KMO: variants seen among roughly 807,000 people sequenced by gnomAD.
The protein encoded by KMO is kynurenine 3-monooxygenase.
Under a neutral mutation model 57.8 loss-of-function variants are expected in KMO, and 24 were observed. The ratio of observed to expected loss-of-function variants is 0.42; its 90% CI spans 0.30 to 0.58. The LOEUF is 0.58. KMO is among the 20% of genes least tolerant of loss of function. KMO has a pLI of 0.22. For synonymous variants in KMO, 210 were observed against 193.6 expected (o/e 1.08, Z -0.70); for missense variants, 483 against 588.2 (o/e 0.82, Z 1.85).
At chr1:241,562,100 C>T (rs1661864766) in intron 6 of KMO, 67 bp from the exon 7 acceptor site, 3 of 1,381,236 alleles carry the variant, frequency 2.2e-6, no homozygotes, top group Non-Finnish European at 3.0e-6. Context: ...TTCTCATACC[C>T]AGAGGTACAT....
chr1:241,534,270 C>CA (rs1660678641), intron 1 of KMO, among the ~76,000 whole-genome samples: 1 of 152,136 alleles, frequency 6.6e-6, no homozygotes, highest in African/African-American at 2.4e-5. Flanking sequence ...AAGGTGGCAG[C>CA]AGTGATGTCT....
chr1:241,540,161 G>A (rs1660909810), intron 1 of KMO, among the ~76,000 whole-genome samples: 2 of 152,012 alleles, frequency 1.3e-5, no homozygotes, highest in Non-Finnish European at 2.9e-5. Flanking sequence ...GCCATTGGTG[G>A]TAAAATTGTG....
At chr1:241,573,352 G>A (rs1412594809) in intron 10 of KMO, among the ~76,000 whole-genome samples, 1 of 152,126 alleles carries the variant, frequency 6.6e-6, no homozygotes, top group Non-Finnish European at 1.5e-5. Context: ...CTTTGCCTAG[G>A]CCAATGTCCA....
intron 10 of KMO, among the ~76,000 whole-genome samples, chr1:241,573,578 T>A (rs1662389969): frequency 6.6e-6 from 1 of 152,128 alleles, no homozygotes; most frequent in Non-Finnish European, 1.5e-5. Flanking sequence ...GAAGATCAGT[T>A]GGTTGTACGT....
chr1:241,542,708 T>C (rs574590597), intron 1 of KMO, among the ~76,000 whole-genome samples: 66 of 152,342 alleles, frequency 4.3e-4, no homozygotes, highest in Non-Finnish European at 1.9e-4. Context: ...TCCTGTGCTG[T>C]CCTCCTTCAC....
chr1:241,575,642 A>ATGAT (rs1662485963), intron 10 of KMO, among the ~76,000 whole-genome samples: 1 of 152,082 alleles, frequency 6.6e-6, no homozygotes, highest in Non-Finnish European at 1.5e-5. Flanking sequence ...ATAACTGGAT[A>ATGAT]TGATTTTGAT....
chr1:241,547,841 A>G (rs974992312), intron 1 of KMO, among the ~76,000 whole-genome samples: 1 of 152,220 alleles, frequency 6.6e-6, no homozygotes. Context: ...AACCCTTGAA[A>G]AAAAGTTATC....
chr1:241,572,125 A>G (rs1209899841), intron 10 of KMO, among the ~76,000 whole-genome samples: 1 of 152,036 alleles, frequency 6.6e-6, no homozygotes, highest in Non-Finnish European at 1.5e-5. Context: ...TCAGCCTTCC[A>G]AAGTGCTGAG....
At chr1:241,575,002 G>T (rs1662451547) in intron 10 of KMO, among the ~76,000 whole-genome samples, 1 of 151,858 alleles carries the variant, frequency 6.6e-6, no homozygotes, top group African/African-American at 2.4e-5. Context: ...TAGAAGTTTT[G>T]TACATGTCTA....
At chr1:241,542,228 C>T (rs1323285604) in intron 1 of KMO, among the ~76,000 whole-genome samples, 3 of 152,086 alleles carry the variant, frequency 2.0e-5, no homozygotes, top group Non-Finnish European at 4.4e-5. Context: ...AGAGGGGTCA[C>T]ATGGGAACTG....
rs776169153 is a variant in KMO, at chr1:241,594,447, A to G, written c.*2294A>G. ...TCATTCCTACAAAGGACGAACTTGG[A>G]TTACATCAACTTTGGACCCATTGGT... On this transcript the variant is annotated 3_prime_UTR_variant, in exon 15 of 15. Coordinates refer to ENST00000366559, the MANE Select transcript of KMO (RefSeq NM_003679.5). 6.2e-7 allele frequency: 1 copy of G among 1,613,318 alleles called. No individual in the cohort carries two copies. Among genetic ancestry groups the G allele is most frequent in the South Asian group, 1.1e-5 (1 of 91,044 alleles).
In KMO at chr1:241,593,636, G is replaced by C. The variant is rs575504304; in HGVS notation, c.*1483G>C. ...GAAAAACAAACATAAATTTATTAGC[G>C]GGTATATGTAATATATATGTGGGAA... On this transcript the variant is annotated 3_prime_UTR_variant, in exon 15 of 15. Coordinates refer to ENST00000366559, the MANE Select transcript of KMO (RefSeq NM_003679.5). 93 of 217,026 alleles carry C rather than the reference G, an allele frequency of 4.3e-4. No homozygotes were observed. The highest frequency in any genetic ancestry group is 1.1e-4 in the Non-Finnish European group (11 of 100,320). 13.4% of individuals were successfully genotyped at this position (217,026 alleles called of 1,614,324 possible). A position where few individuals can be genotyped will look rare whatever the true frequency, so the allele number is the denominator to read the frequency against.
chr1:241,562,440 G>T (rs1390793132), intron 7 of KMO, 108 bp downstream of exon 7: 3 of 1,086,946 alleles, frequency 2.8e-6, no homozygotes, highest in Non-Finnish European at 4.1e-6. Flanking sequence ...CCATTTTGAG[G>T]CCTATCACAA....
intron 5 of KMO, among the ~76,000 whole-genome samples, chr1:241,556,618 G>A (rs539384131): frequency 2.0e-5 from 3 of 152,296 alleles, no homozygotes; most frequent in African/African-American, 7.2e-5. Context: ...GGTGGCTCAC[G>A]CCTGTAATCC....
chr1:241,543,953 T>G (rs1202521766), intron 1 of KMO, among the ~76,000 whole-genome samples: 1 of 152,184 alleles, frequency 6.6e-6, no homozygotes, highest in African/African-American at 2.4e-5. Context: ...GGAATCAATT[T>G]TCATCAAAGA....
intron 6 of KMO, among the ~76,000 whole-genome samples, chr1:241,561,613 C>T (rs1661839935): frequency 6.6e-6 from 1 of 152,224 alleles, no homozygotes; most frequent in South Asian, 2.1e-4. Flanking sequence ...TTCAAACTGC[C>T]AAGGAAGTTT....
intron 4 of KMO, among the ~76,000 whole-genome samples, chr1:241,554,227 TTTCCTTCC>T (rs59290477): frequency 0.1 from 13,673 of 132,024 alleles, 813 homozygotes; most frequent in Middle Eastern, 0.18. Context: ...AATACTTTTC[TTTCCTTCC>T]TTCCTTCCTT....
At chr1:241,537,626 C>T (rs1186207930) in intron 1 of KMO, among the ~76,000 whole-genome samples, 2 of 152,076 alleles carry the variant, frequency 1.3e-5, no homozygotes, top group African/African-American at 4.8e-5. Flanking sequence ...CTACCTGAGA[C>T]TGGGCAATTT....
intron 10 of KMO, among the ~76,000 whole-genome samples, chr1:241,576,026 T>G (rs1175905741): frequency 3.7e-5 from 5 of 135,806 alleles, no homozygotes; most frequent in Admixed American, 3.5e-4. Context: ...TTCTTTGTCT[T>G]TTTTTTTTTT....
Sources: gnomAD v4.1 joint callset for allele counts (sites outside exome capture counted in the v4.1 genomes callset) on GRCh38, gnomAD v4.1.1 for gene constraint, MANE v1.5 for transcripts, NCBI Gene and HGNC (gene_info 2026-07-23, HGNC 2026-07-21) for gene names.